Variants in SSUH2 observed in about 807,000 individuals in gnomAD.
SSUH2 encodes the protein ssu-2 homolog, also known as protein SSUH2 homolog.
In SSUH2, 47 loss-of-function variants were observed where a neutral mutation model predicts 55.3. The observed-to-expected ratio is 0.85, with a 90% CI of 0.67 to 1.08. The LOEUF is 1.08. Ranked by LOEUF, SSUH2 falls within the 50% of genes least tolerant of loss-of-function variation. The pLI is 0.00. For missense variants in SSUH2, 535 were observed against 490.7 expected (o/e 1.09, Z -0.85); for synonymous variants, 212 against 191.5 (o/e 1.11, Z -0.89).
chr3:8,627,413 T>C, intron 8 of SSUH2: 1 of 342,666 alleles, frequency 2.9e-6, no homozygotes, highest in Non-Finnish European at 5.3e-6. Flanking sequence ...GGGAGAGGTC[T>C]CCTTTCCTGG....
chr3:8,678,039 T>G (rs1290939493), intron 2 of SSUH2, among the ~76,000 whole-genome samples: 1 of 151,944 alleles, frequency 6.6e-6, no homozygotes, highest in African/African-American at 2.4e-5. Flanking sequence ...GCGTGTCATA[T>G]CCTCCTCTCC....
At chr3:8,672,880 G>A (rs1011393939) in intron 3 of SSUH2, among the ~76,000 whole-genome samples, 6 of 151,986 alleles carry the variant, frequency 3.9e-5, no homozygotes, top group South Asian at 2.1e-4. Context: ...GATGATATTC[G>A]GATCAATATC....
intron 1 of SSUH2, among the ~76,000 whole-genome samples, chr3:8,642,972 C>T (rs1265866934): frequency 3.9e-5 from 6 of 152,202 alleles, no homozygotes; most frequent in South Asian, 2.1e-4. Context: ...CTCAGGACAA[C>T]CCTATGAAAG....
intron 7 of SSUH2, among the ~76,000 whole-genome samples, chr3:8,651,696 T>A (rs918795535): frequency 4.6e-5 from 7 of 152,152 alleles, no homozygotes; most frequent in African/African-American, 1.7e-4. Context: ...AAGCCAAAAG[T>A]GGCAGAAATC....
chr3:8,627,691 C>G lies in SSUH2; in HGVS notation c.674+7G>C. The G allele has an allele frequency of 6.3e-7, 1 of 1,575,470 alleles. No individual in the cohort carries two copies. Among genetic ancestry groups the G allele is most frequent in the Non-Finnish European group, 8.6e-7 (1 of 1,160,532 alleles). On this transcript the variant is annotated splice_region_variant and intron_variant, in intron 8 of 11. Transcript: ENST00000544814. ...ACTTCACCGCGGTGCTGGGGAGATG[C>G]CCCTACCTTCGCCTGCCGGACCCCG...
chr3:8,650,304 T>C (rs1702249070), intron 7 of SSUH2, among the ~76,000 whole-genome samples: 1 of 152,216 alleles, frequency 6.6e-6, no homozygotes, highest in African/African-American at 2.4e-5. Context: ...ACACCTGTCA[T>C]AATCTGGATG....
At chr3:8,653,324 A>C (rs1264422019) in intron 7 of SSUH2, among the ~76,000 whole-genome samples, 5 of 152,244 alleles carry the variant, frequency 3.3e-5, no homozygotes, top group Non-Finnish European at 7.3e-5. Flanking sequence ...ATCCTTAAAA[A>C]ATCAAAGATT....
chr3:8,647,941 C>T (rs1701916930), upstream of SSUH2, among the ~76,000 whole-genome samples: 1 of 152,150 alleles, frequency 6.6e-6, no homozygotes, highest in African/African-American at 2.4e-5. Flanking sequence ...AAATAAGAAA[C>T]TTGTCCAAGT....
chr3:8,649,850 T>C (rs977207705), intron 7 of SSUH2, among the ~76,000 whole-genome samples: 2 of 151,990 alleles, frequency 1.3e-5, no homozygotes, highest in African/African-American at 2.4e-5. Context: ...AGACAGCCCC[T>C]CCTCTGCTCA....
intron 4 of SSUH2, among the ~76,000 whole-genome samples, chr3:8,632,395 AG>A (rs1356253689): frequency 6.6e-6 from 1 of 152,238 alleles, no homozygotes; most frequent in African/African-American, 2.4e-5. Context: ...GACAAGCTTC[AG>A]AGCAGTAGCT....
chr3:8,641,129 G>A (rs916472004), intron 1 of SSUH2, among the ~76,000 whole-genome samples: 7 of 152,098 alleles, frequency 4.6e-5, no homozygotes, highest in South Asian at 2.1e-4. Flanking sequence ...AGACCTCCCC[G>A]TCTCCAAAGC....
chr3:8,681,165 G>T (rs558658770), intron 1 of SSUH2, among the ~76,000 whole-genome samples: 9 of 145,758 alleles, frequency 6.2e-5, no homozygotes, highest in Non-Finnish European at 1.2e-4. Context: ...CATAGCAGGG[G>T]GGGGAGTCAC....
intron 5 of SSUH2, 36 bp from the exon 6 acceptor site, chr3:8,630,965 G>T: frequency 7.5e-7 from 1 of 1,339,576 alleles, no homozygotes; most frequent in East Asian, 2.8e-5. Flanking sequence ...GAATGACGAA[G>T]GGCAGCAGGG....
intron 9 of SSUH2, among the ~76,000 whole-genome samples, chr3:8,625,939 T>C (rs1697441540): frequency 6.6e-6 from 1 of 152,248 alleles, no homozygotes; most frequent in South Asian, 2.1e-4. Context: ...CTTAGGGACG[T>C]AGCAGGATGC....
chr3:8,642,598 T>G (rs922242293), intron 1 of SSUH2, among the ~76,000 whole-genome samples: 1 of 152,252 alleles, frequency 6.6e-6, no homozygotes, highest in Non-Finnish European at 1.5e-5. Context: ...TTGAGGAGAT[T>G]TGCACATGGG....
Position 8,636,048 on chromosome 3 carries a change from T to C in SSUH2, c.29-191A>G, listed in dbSNP as rs973733252. Among the ~76,000 whole-genome samples, 7 of 152,206 alleles carry C rather than the reference T, an allele frequency of 4.6e-5. No individual in the cohort carries two copies. The East Asian group carries it at 1.2e-3, about 25-fold the overall frequency. ...GTAGTAGCAGCAGTAATAATAGTGA[T>C]GAGAAACATCAAGAATGCCAGCTCC... On this transcript the variant is annotated intron_variant, in intron 1 of 11. Coordinates refer to ENST00000544814, the MANE Select transcript of SSUH2 (RefSeq NM_001256748.3).
At chr3:8,622,759 G>A (rs1696699167) in intron 11 of SSUH2, among the ~76,000 whole-genome samples, 1 of 152,208 alleles carries the variant, frequency 6.6e-6, no homozygotes, top group Non-Finnish European at 1.5e-5. Context: ...CATTGCAAAG[G>A]ACAGAAAGGG....
chr3:8,619,952 A>T lies in SSUH2; in HGVS notation c.1044T>A (p.Tyr348Ter), dbSNP rs370877102. Residue 348 changes from tyrosine (Y) to a stop codon, truncating the protein, a stop_gained, in exon 12 of 12, where the codon TAT becomes TAA. Coordinates refer to ENST00000544814, the MANE Select transcript of SSUH2 (RefSeq NM_001256748.3). LOFTEE classifies it high-confidence loss of function. ...GGTCAGTGCCATAGATGTAGTAGAC[A>T]TAAGTCTTTCCTTGGTACCAATAGT... ...EVHYWYQGKT[Y>*]VYYIYGTDHQ... 6.2e-7 allele frequency: 1 copy of T among 1,614,192 alleles called. No homozygotes were observed. The highest frequency in any genetic ancestry group is 8.5e-7 in the Non-Finnish European group (1 of 1,180,020).
chr3:8,639,842 G>T, intron 1 of SSUH2: 1 of 460,052 alleles, frequency 2.2e-6, no homozygotes. Context: ...GGCCCCTTTT[G>T]GACAGGGGCC....
Sources: allele counts gnomAD v4.1 joint callset (sites outside exome capture counted in the v4.1 genomes callset), GRCh38; gene constraint gnomAD v4.1.1; transcripts MANE v1.5; gene names NCBI Gene and HGNC (gene_info 2026-07-23, HGNC 2026-07-21).